Variants in SGF29 observed in about 807,000 individuals in gnomAD.
SGF29 encodes the protein SAGA-associated factor 29.
In SGF29, 15 loss-of-function variants were observed where a neutral mutation model predicts 38.1. The ratio of observed to expected loss-of-function variants is 0.39; its 90% CI spans 0.26 to 0.61. SGF29 has a LOEUF of 0.61. Ranked by LOEUF, SGF29 falls within the 20% of genes least tolerant of loss-of-function variation. The pLI, the probability that SGF29 is intolerant of heterozygous loss-of-function variation, is 0.49. For synonymous variants in SGF29, 151 were observed against 160.8 expected, an observed-to-expected ratio of 0.94 and a Z score of 0.46; for missense variants, 184 against 394.6, an observed-to-expected ratio of 0.47 and a Z score of 4.52.
At chr16:28,583,802 T>C (rs1470315849) in intron 2 of SGF29, among the ~76,000 whole-genome samples, 1 of 152,236 alleles carries the variant, frequency 6.6e-6, no homozygotes, top group Non-Finnish European at 1.5e-5. Flanking sequence ...TAATAAATTT[T>C]GAAATTGGGA....
chr16:28,587,865 T>C (rs927451982), intron 4 of SGF29, among the ~76,000 whole-genome samples: 2 of 152,170 alleles, frequency 1.3e-5, no homozygotes, highest in Admixed American at 6.5e-5. Context: ...AGTGACACAA[T>C]CTCGGCTCAC....
At chr16:28,566,526 C>T (rs1296531824) in intron 1 of SGF29, among the ~76,000 whole-genome samples, 1 of 152,058 alleles carries the variant, frequency 6.6e-6, no homozygotes, top group East Asian at 1.9e-4. Context: ...TGGCGGCTCA[C>T]ATCTGTAATC....
At chr16:28,563,183 A>G (rs2151642434) in intron 1 of SGF29, among the ~76,000 whole-genome samples, 1 of 152,128 alleles carries the variant, frequency 6.6e-6, no homozygotes, top group East Asian at 1.9e-4. Flanking sequence ...TGCTCTGGGG[A>G]GGCAGAGGTT....
At chr16:28,564,706 TAC>T (rs1416210907) in intron 1 of SGF29, among the ~76,000 whole-genome samples, 6,160 of 74,274 alleles carry the variant, frequency 0.083, 563 homozygotes, top group Middle Eastern at 0.18. Flanking sequence ...TGTATATATA[TAC>T]ATATATATGT....
chr16:28,581,092 C>A lies in SGF29; in HGVS notation c.23C>A (p.Ser8Tyr). ...ACAATGGCCCTCGTGTCTGCCGATT[C>A]CCGCATTGCAGAACTTCTCACAGAG... MALVSAD[S>Y]RIAELLTELH... Residue 8 changes from serine to tyrosine, a missense_variant, in exon 2 of 10, where the codon TCC (serine) becomes TAC (tyrosine). Ser to Tyr is a moderately radical substitution (Grantham distance 144). Transcript: ENST00000317058. 1 of 1,614,054 alleles carries A rather than the reference C, an allele frequency of 6.2e-7. No homozygotes were observed. The highest frequency in any genetic ancestry group is 8.5e-7 in the Non-Finnish European group (1 of 1,179,972).
intron 2 of SGF29, among the ~76,000 whole-genome samples, chr16:28,583,955 G>A (rs1005460777): frequency 6.6e-6 from 1 of 151,720 alleles, no homozygotes; most frequent in Non-Finnish European, 1.5e-5. Flanking sequence ...TGCGTTGACT[G>A]TATAGATTGA....
chr16:28,583,223 T>C (rs1406477901), intron 2 of SGF29, among the ~76,000 whole-genome samples: 1 of 152,260 alleles, frequency 6.6e-6, no homozygotes, highest in African/African-American at 2.4e-5. Flanking sequence ...TTTCCCTCAT[T>C]GCATAACCCA....
At chr16:28,558,724 A>G (rs1486378792) in intron 1 of SGF29, among the ~76,000 whole-genome samples, 3 of 152,248 alleles carry the variant, frequency 2.0e-5, no homozygotes, top group Non-Finnish European at 1.5e-5. Flanking sequence ...TAACCATAAA[A>G]AGGAATGAAG....
chr16:28,554,537 C>G (rs1238463890), intron 1 of SGF29, among the ~76,000 whole-genome samples: 1 of 152,124 alleles, frequency 6.6e-6, no homozygotes, highest in South Asian at 2.1e-4. Context: ...TCGTCGTTTG[C>G]CCAGGAGGCT....
At chr16:28,573,201 G>A (rs931092354) in intron 1 of SGF29, among the ~76,000 whole-genome samples, 1 of 152,114 alleles carries the variant, frequency 6.6e-6, no homozygotes, top group African/African-American at 2.4e-5. Context: ...CTACACAGCT[G>A]GGAAGTGGGG....
intron 2 of SGF29, among the ~76,000 whole-genome samples, chr16:28,582,230 G>A (rs1038827486): frequency 2.0e-5 from 3 of 152,206 alleles, no homozygotes; most frequent in African/African-American, 7.2e-5. Context: ...AAGGTTACGT[G>A]CTGTGTATTC....
At chr16:28,559,029 T>G (rs2151640893) in intron 1 of SGF29, among the ~76,000 whole-genome samples, 1 of 152,166 alleles carries the variant, frequency 6.6e-6, no homozygotes, top group African/African-American at 2.4e-5. Context: ...TTTAAAAAAG[T>G]GAATTGGGGT....
chr16:28,585,473 C>A, intron 3 of SGF29, 175 bp from the exon 4 acceptor site: 1 of 633,424 alleles, frequency 1.6e-6, no homozygotes, highest in Admixed American at 2.5e-5. Flanking sequence ...TATGGAAATG[C>A]GGACTCATGG....
chr16:28,577,177 GAAAA>G (rs958079383), intron 1 of SGF29, among the ~76,000 whole-genome samples: 1 of 145,078 alleles, frequency 6.9e-6, no homozygotes, highest in Non-Finnish European at 1.5e-5. Flanking sequence ...CATTAAAAAA[GAAAA>G]AAAAAAGTGC....
rs147126088 is a variant in SGF29 at position 28,584,616 on chromosome 16, C to T, written c.76-297C>T. Among the ~76,000 whole-genome samples, 1,031 of 152,126 alleles carry T rather than the reference C, an allele frequency of 6.8e-3. 14 individuals carry two copies. Among genetic ancestry groups the T allele is most frequent in the African/African-American group, 0.023 (966 of 41,516 alleles). The stretch of plus-strand genomic sequence containing the variant: ...CATCCTGGCTAAGACGGTGAAACTC[C>T]GTCTCTTCTAAAACTACAAAAAATT... On this transcript the variant is annotated intron_variant, in intron 2 of 9. Transcript: ENST00000317058.
chr16:28,580,664 A>T (rs191989644), intron 1 of SGF29, among the ~76,000 whole-genome samples: 2 of 152,264 alleles, frequency 1.3e-5, no homozygotes, highest in African/African-American at 4.8e-5. Flanking sequence ...CATGGTTAGG[A>T]CTACAATGTA....
intron 1 of SGF29, among the ~76,000 whole-genome samples, chr16:28,577,249 G>A (rs2046899764): frequency 6.6e-6 from 1 of 151,792 alleles, no homozygotes; most frequent in African/African-American, 2.4e-5. Context: ...GGGGTGGGGT[G>A]GCCATGTACC....
chr16:28,562,903 C>CAAAAAAAAA (rs753973229), intron 1 of SGF29, among the ~76,000 whole-genome samples: 1 of 50,890 alleles, frequency 2.0e-5, no homozygotes, highest in Non-Finnish European at 3.5e-5. Flanking sequence ...GACCCTGTCT[C>CAAAAAAAAA]AAAAAAAAAA....
At chr16:28,583,848 A>G (rs1567291804) in intron 2 of SGF29, among the ~76,000 whole-genome samples, 1 of 152,058 alleles carries the variant, frequency 6.6e-6, no homozygotes, top group Non-Finnish European at 1.5e-5. Flanking sequence ...TCTTTTTCCA[A>G]GATTGGGGAT....
Sources: gnomAD v4.1 joint callset for allele counts (sites outside exome capture counted in the v4.1 genomes callset) on GRCh38, gnomAD v4.1.1 for gene constraint, MANE v1.5 for transcripts, NCBI Gene and HGNC (gene_info 2026-07-23, HGNC 2026-07-21) for gene names.